Variants in PDE1A observed in about 807,000 individuals in gnomAD.
The protein encoded by PDE1A is dual specificity calcium/calmodulin-dependent 3',5'-cyclic nucleotide phosphodiesterase 1A.
A neutral mutation model predicts 61.7 loss-of-function variants in PDE1A; 35 were observed. The observed-to-expected ratio is 0.57, with a 90% CI of 0.43 to 0.75. The LOEUF (loss-of-function observed/expected upper bound fraction) is 0.75. PDE1A is among the 30% of genes least tolerant of loss of function. The pLI is 0.00. For missense variants in PDE1A, 597 were observed against 630.6 expected (o/e 0.95, Z 0.57); for synonymous variants, 232 against 213.2 (o/e 1.09, Z -0.77).
At chr2:182,261,548 G>A (rs1692219329) in intron 2 of PDE1A, among the ~76,000 whole-genome samples, 1 of 152,258 alleles carries the variant, frequency 6.6e-6, no homozygotes, top group Non-Finnish European at 1.5e-5. Flanking sequence ...AAGATGGAAT[G>A]TTTTGTTATG....
chr2:182,456,453 A>AT (rs1353543442), intron 2 of PDE1A, among the ~76,000 whole-genome samples: 2 of 152,224 alleles, frequency 1.3e-5, no homozygotes, highest in Non-Finnish European at 2.9e-5. Flanking sequence ...ACCCATATAA[A>AT]TTTTTGAATC....
chr2:182,403,721 A>G (rs1189861296), intron 1 of PDE1A, among the ~76,000 whole-genome samples: 2 of 152,134 alleles, frequency 1.3e-5, no homozygotes, highest in Non-Finnish European at 1.5e-5. Context: ...ATTCTCAGCA[A>G]ACTAACACAA....
chr2:182,700,298 G>A, the PDE1A span, among the ~76,000 whole-genome samples: 11 of 152,312 alleles, frequency 7.2e-5, no homozygotes, highest in East Asian at 7.7e-4. Flanking sequence ...TAGGCCGGGC[G>A]CGGTGGCTCA....
chr2:182,393,043 T>G (rs906574298), intron 1 of PDE1A, among the ~76,000 whole-genome samples: 1 of 152,232 alleles, frequency 6.6e-6, no homozygotes, highest in South Asian at 2.1e-4. Context: ...AGTGCCCCAG[T>G]AGGATTCTGT....
the PDE1A span, among the ~76,000 whole-genome samples, chr2:182,679,006 T>TC: frequency 4.5e-5 from 1 of 22,046 alleles, no homozygotes; most frequent in Non-Finnish European, 1.5e-4. Context: ...TTGGTTTCTC[T>TC]TTTTTTTTTT....
chr2:182,167,649 T>A (rs1368485363), downstream of PDE1A, among the ~76,000 whole-genome samples: 1 of 152,120 alleles, frequency 6.6e-6, no homozygotes, highest in Non-Finnish European at 1.5e-5. Context: ...CACTGGAGAC[T>A]GTCTCTTCCC....
At chr2:182,495,197 C>T (rs963915161) in intron 2 of PDE1A, among the ~76,000 whole-genome samples, 1 of 152,200 alleles carries the variant, frequency 6.6e-6, no homozygotes. Context: ...AAAGGCAGCT[C>T]CAGTCACAGT....
intron 7 of PDE1A, among the ~76,000 whole-genome samples, chr2:182,211,908 C>G (rs1687634157): frequency 6.6e-6 from 1 of 151,982 alleles, no homozygotes; most frequent in African/African-American, 2.4e-5. Flanking sequence ...TCAATTCTTC[C>G]AGATTTTCTA....
the PDE1A span, among the ~76,000 whole-genome samples, chr2:182,676,303 A>G: frequency 6.6e-6 from 1 of 152,168 alleles, no homozygotes; most frequent in South Asian, 2.1e-4. Context: ...CACAAAAATT[A>G]GAAAACCTAG....
intron 1 of PDE1A, among the ~76,000 whole-genome samples, chr2:182,364,497 A>AAAAC (rs1699724122): frequency 6.8e-6 from 1 of 146,202 alleles, no homozygotes; most frequent in Admixed American, 6.9e-5. Context: ...AAAAAAAAAA[A>AAAAC]AACCTTATTC....
chr2:182,188,544 C>T (rs1685434573), intron 11 of PDE1A, among the ~76,000 whole-genome samples: 1 of 152,150 alleles, frequency 6.6e-6, no homozygotes, highest in African/African-American at 2.4e-5. Flanking sequence ...AATCTATTCA[C>T]ATCATGACAG....
the PDE1A span, among the ~76,000 whole-genome samples, chr2:182,693,798 C>G: frequency 6.6e-6 from 1 of 151,980 alleles, no homozygotes; most frequent in Non-Finnish European, 1.5e-5. Context: ...AGGCACCCAC[C>G]ACCACACCCA....
At chr2:182,532,366 G>T in the PDE1A span, among the ~76,000 whole-genome samples, 1 of 152,122 alleles carries the variant, frequency 6.6e-6, no homozygotes, top group African/African-American at 2.4e-5. Context: ...TGTACATTGT[G>T]TCAATTTAGG....
At chr2:182,561,243 G>C in the PDE1A span, among the ~76,000 whole-genome samples, 1 of 152,124 alleles carries the variant, frequency 6.6e-6, no homozygotes, top group South Asian at 2.1e-4. Context: ...TAAGGTGTAA[G>C]GAAGGGATCC....
chr2:182,670,961 G>C, the PDE1A span, among the ~76,000 whole-genome samples: 1 of 151,710 alleles, frequency 6.6e-6, no homozygotes, highest in African/African-American at 2.4e-5. Context: ...GGTTTTACAG[G>C]CGTACACCAC....
chr2:182,283,825 G>A (rs1267526966), intron 1 of PDE1A, among the ~76,000 whole-genome samples: 1 of 152,064 alleles, frequency 6.6e-6, no homozygotes, highest in Non-Finnish European at 1.5e-5. Flanking sequence ...TAAATTAGTG[G>A]TTAGCTAGGA....
chr2:182,355,911 G>A (rs574761100), intron 1 of PDE1A, among the ~76,000 whole-genome samples: 1 of 152,162 alleles, frequency 6.6e-6, no homozygotes, highest in East Asian at 1.9e-4. Flanking sequence ...TTGAGTTATA[G>A]GGACCTGAAG....
the PDE1A span, among the ~76,000 whole-genome samples, chr2:182,607,431 T>C: frequency 1.3e-5 from 2 of 152,200 alleles, no homozygotes; most frequent in Admixed American, 6.5e-5. Context: ...CATTTCACTA[T>C]ACAGTTGTCT....
chr2:182,368,302 T>G (rs1174070080), intron 1 of PDE1A, among the ~76,000 whole-genome samples: 1 of 152,014 alleles, frequency 6.6e-6, no homozygotes, highest in African/African-American at 2.4e-5. Context: ...CTCATACATA[T>G]TTTCTCAGTT....
Sources: gnomAD v4.1 joint callset for allele counts (sites outside exome capture counted in the v4.1 genomes callset) on GRCh38, gnomAD v4.1.1 for gene constraint, MANE v1.5 for transcripts, NCBI Gene and HGNC (gene_info 2026-07-23, HGNC 2026-07-21) for gene names.